Variants in OPCML observed in about 807,000 individuals in gnomAD.
OPCML encodes opioid-binding protein/cell adhesion molecule.
Under a neutral mutation model 37.8 loss-of-function variants are expected in OPCML, and 13 were observed. The observed-to-expected ratio is 0.34, with a 90% CI of 0.22 to 0.55. The LOEUF is 0.55. Ranked by LOEUF, OPCML falls within the 20% of genes least tolerant of loss-of-function variation. The pLI, the probability that OPCML is intolerant of heterozygous loss-of-function variation, is 0.91. For synonymous variants in OPCML, 176 were observed against 168.8 expected, an observed-to-expected ratio of 1.04 and a Z score of -0.33; for missense variants, 341 against 435.6, an observed-to-expected ratio of 0.78 and a Z score of 1.93.
At chr11:132,950,943 G>A (rs928506712) in intron 1 of OPCML, among the ~76,000 whole-genome samples, 2 of 152,146 alleles carry the variant, frequency 1.3e-5, no homozygotes, top group South Asian at 2.1e-4. Context: ...AATGTGAGTC[G>A]AAGGACCTGG....
intron 1 of OPCML, chr11:133,004,183 C>T (rs559561846): frequency 2.0e-6 from 2 of 985,452 alleles, no homozygotes; most frequent in South Asian, 4.7e-5. Context: ...GCCGTCTCAT[C>T]TGAGGCCTCC....
intron 1 of OPCML, among the ~76,000 whole-genome samples, chr11:133,409,751 G>A (rs1945604481): frequency 1.3e-5 from 2 of 152,116 alleles, no homozygotes; most frequent in Admixed American, 1.3e-4. Context: ...GTAATCAAGT[G>A]ATAATCACCT....
intron 1 of OPCML, among the ~76,000 whole-genome samples, chr11:133,196,356 T>C (rs1487907293): frequency 6.6e-6 from 1 of 152,222 alleles, no homozygotes; most frequent in Non-Finnish European, 1.5e-5. Flanking sequence ...CTTTTCTCCA[T>C]GGGGACTTCA....
intron 2 of OPCML, among the ~76,000 whole-genome samples, chr11:132,901,357 C>T (rs1453335818): frequency 6.6e-6 from 1 of 152,154 alleles, no homozygotes; most frequent in Non-Finnish European, 1.5e-5. Context: ...AACACAGTGT[C>T]CTTTTAAACT....
intron 1 of OPCML, among the ~76,000 whole-genome samples, chr11:132,986,581 A>G (rs937735340): frequency 4.6e-5 from 7 of 152,340 alleles, no homozygotes; most frequent in Non-Finnish European, 1.0e-4. Flanking sequence ...CTCAATAAAC[A>G]GTTTTGAATG....
At chr11:132,711,084 T>G (rs144188772) in intron 2 of OPCML, among the ~76,000 whole-genome samples, 1 of 152,252 alleles carries the variant, frequency 6.6e-6, no homozygotes, top group East Asian at 1.9e-4. Flanking sequence ...GAACGAGACC[T>G]GCTTAGGAGG....
At chr11:132,923,761 T>TTTTTC in intron 2 of OPCML, among the ~76,000 whole-genome samples, 1 of 140,952 alleles carries the variant, frequency 7.1e-6, no homozygotes, top group Non-Finnish European at 1.5e-5. Context: ...TTGAATTTTT[T>TTTTTC]TTTTTTTTTT....
chr11:132,901,960 A>T lies in OPCML; in HGVS notation c.146+40966T>A, dbSNP rs565505077. Among the ~76,000 whole-genome samples the T allele has an allele frequency of 3.2e-4, 48 of 152,320 alleles. No homozygotes were observed. The East Asian group carries it at 9.3e-3, about 29-fold the overall frequency. ...TTTTGGAATAAGAACCACCAACAGG[A>T]TGATGAACTCCCCCCACCACCGGTG... On this transcript the variant is annotated intron_variant, in intron 2 of 7. Transcript: ENST00000524381.
chr11:132,445,115 A>G (rs2096050391), intron 4 of OPCML, among the ~76,000 whole-genome samples: 1 of 152,204 alleles, frequency 6.6e-6, no homozygotes, highest in Non-Finnish European at 1.5e-5. Context: ...CAGGGCGGCC[A>G]TGCTGGCTGC....
At chr11:133,131,849 C>G (rs1949609183) in intron 1 of OPCML, among the ~76,000 whole-genome samples, 2 of 152,040 alleles carry the variant, frequency 1.3e-5, no homozygotes, top group African/African-American at 4.8e-5. Flanking sequence ...TGTGTTAAAG[C>G]AATTCAGTGG....
In OPCML at chr11:133,191,972, A is replaced by T. The variant is rs567355099; in HGVS notation, c.62-248962T>A. 2.6e-5 allele frequency among the ~76,000 whole-genome samples: 4 copies of T among 152,300 alleles called. No homozygotes were observed. The East Asian group carries it at 7.7e-4, about 29-fold the overall frequency. ...GAAAACCTTAGAGCTAAATAGAAAC[A>T]CTTGAACTGTCTGCTGTTTTTAGTT... On this transcript the variant is annotated intron_variant, in intron 1 of 7. Transcript: ENST00000524381.
intron 1 of OPCML, among the ~76,000 whole-genome samples, chr11:133,429,598 G>T (rs1946075244): frequency 6.6e-6 from 1 of 152,174 alleles, no homozygotes; most frequent in Non-Finnish European, 1.5e-5. Flanking sequence ...GAACAAAGTA[G>T]CAGTGCAGAT....
chr11:132,897,107 T>C (rs1256390135), intron 2 of OPCML, among the ~76,000 whole-genome samples: 1 of 152,186 alleles, frequency 6.6e-6, no homozygotes, highest in African/African-American at 2.4e-5. Context: ...GCTCTTCCTC[T>C]TGGGCCATAT....
chr11:133,182,378 T>C (rs1009462926), intron 1 of OPCML, among the ~76,000 whole-genome samples: 3 of 152,240 alleles, frequency 2.0e-5, no homozygotes, highest in Non-Finnish European at 4.4e-5. Flanking sequence ...GCAATTTCTG[T>C]GTTTATCTAA....
At chr11:133,483,132 C>T (rs911450258) in intron 1 of OPCML, among the ~76,000 whole-genome samples, 16 of 151,784 alleles carry the variant, frequency 1.1e-4, no homozygotes, top group Admixed American at 2.0e-4. Flanking sequence ...AAAACAAATG[C>T]CTTACAAATA....
chr11:132,993,371 A>G (rs972056355), intron 1 of OPCML, among the ~76,000 whole-genome samples: 2 of 152,166 alleles, frequency 1.3e-5, no homozygotes, highest in African/African-American at 4.8e-5. Flanking sequence ...CAGAAGGGAA[A>G]GCACCCTGCA....
At chr11:133,492,635 G>A (rs1013352627) in intron 1 of OPCML, among the ~76,000 whole-genome samples, 1 of 149,372 alleles carries the variant, frequency 6.7e-6, no homozygotes, top group African/African-American at 2.5e-5. Flanking sequence ...GATGCCCAAC[G>A]ATCAAAGGGG....
At position 132,681,127 on chromosome 11, in the gene OPCML, T is replaced by C. The variant is rs569477403; in HGVS notation, c.147-23808A>G. Among the ~76,000 whole-genome samples the C allele has an allele frequency of 3.3e-3, 504 of 152,220 alleles. 4 individuals carry two copies. The highest frequency in any genetic ancestry group is 0.021 in the South Asian group (100 of 4,822). On this transcript the variant is annotated intron_variant, in intron 2 of 7. Coordinates refer to ENST00000524381, the MANE Select transcript of OPCML (RefSeq NM_001012393.5). ...ATGTTTTGACACTGCAGGACTTGTC[T>C]CCAAAATCTCATTTTCTGATAGTGA...
intron 1 of OPCML, among the ~76,000 whole-genome samples, chr11:133,277,743 T>C (rs1439812817): frequency 2.0e-5 from 3 of 152,076 alleles, no homozygotes; most frequent in African/African-American, 7.2e-5. Flanking sequence ...ATATGTGTAT[T>C]ACAGACCTTG....
Sources: gnomAD v4.1 joint callset for allele counts (sites outside exome capture counted in the v4.1 genomes callset) on GRCh38, gnomAD v4.1.1 for gene constraint, MANE v1.5 for transcripts, NCBI Gene and HGNC (gene_info 2026-07-23, HGNC 2026-07-21) for gene names.